RNF38: variants seen among roughly 807,000 people sequenced by gnomAD.
RNF38 encodes E3 ubiquitin-protein ligase RNF38.
Under a neutral mutation model 67.2 loss-of-function variants are expected in RNF38, and 15 were observed. The observed-to-expected ratio is 0.22, with a 90% CI of 0.15 to 0.34. RNF38 has a LOEUF of 0.34. Ranked by LOEUF, RNF38 falls within the 10% of genes least tolerant of loss-of-function variation. RNF38 has a pLI of 1.00. For synonymous variants in RNF38, 220 were observed against 218.8 expected (o/e 1.01, Z -0.05); for missense variants, 524 against 639.9 (o/e 0.82, Z 1.95).
chr9:36,465,938 G>C (rs1339774623), intron 1 of RNF38, among the ~76,000 whole-genome samples: 1 of 152,126 alleles, frequency 6.6e-6, no homozygotes, highest in Non-Finnish European at 1.5e-5. Flanking sequence ...TGTAGTCCCA[G>C]CTACTCAGGA....
chr9:36,349,168 A>G (rs897954546), intron 9 of RNF38, among the ~76,000 whole-genome samples: 6 of 152,232 alleles, frequency 3.9e-5, no homozygotes, highest in African/African-American at 1.2e-4. Context: ...CTTTCAAAAT[A>G]TTACTGCTCA....
chr9:36,353,328 G>A lies in RNF38; in HGVS notation c.913C>T (p.Leu305=), dbSNP rs760369725. The change falls in exon 7 of 12, where the codon CTG becomes TTG. Residue 305 remains leucine (L), a synonymous_variant. Transcript: ENST00000259605. ...TCCACTTCATTTTCTATCCTTTGCA[G>A]AGGCTGAGGAGGGGGAAAAAAAAAC... ...PFQTQQSRSP[L]QRIENEVELL... 9 of 1,584,158 alleles carry A rather than the reference G, an allele frequency of 5.7e-6. No homozygotes were observed. The South Asian group carries it at 1.0e-4, about 18-fold the overall frequency.
At chr9:36,427,632 G>C (rs1357413480) in intron 1 of RNF38, among the ~76,000 whole-genome samples, 2 of 151,894 alleles carry the variant, frequency 1.3e-5, no homozygotes, top group Admixed American at 6.6e-5. Flanking sequence ...ATGAATCTGG[G>C]TTCCTTGATC....
At chr9:36,375,650 G>A (rs117810343) in intron 3 of RNF38, among the ~76,000 whole-genome samples, 2,147 of 152,250 alleles carry the variant, frequency 0.014, 21 homozygotes, top group Non-Finnish European at 0.02. Flanking sequence ...AGTCAAGATC[G>A]CAGGCTAGTC....
intron 2 of RNF38, among the ~76,000 whole-genome samples, 194 bp downstream of exon 2, chr9:36,390,273 A>G (rs990313217): frequency 6.6e-6 from 1 of 152,264 alleles, no homozygotes; most frequent in African/African-American, 2.4e-5. Context: ...ACAGTAGCTG[A>G]GTAGCTCAAG....
intron 4 of RNF38, among the ~76,000 whole-genome samples, chr9:36,359,636 T>TA (rs1834373651): frequency 6.6e-6 from 1 of 152,218 alleles, no homozygotes; most frequent in African/African-American, 2.4e-5. Flanking sequence ...GTCACACAGT[T>TA]ATTCTTACGT....
intron 3 of RNF38, chr9:36,372,639 T>A: frequency 3.2e-6 from 2 of 624,864 alleles, no homozygotes. Flanking sequence ...TAAGACACAC[T>A]GCTGAAAAAA....
At chr9:36,417,328 C>T (rs1419816972) in intron 2 of RNF38, among the ~76,000 whole-genome samples, 2 of 152,162 alleles carry the variant, frequency 1.3e-5, no homozygotes, top group South Asian at 2.1e-4. Context: ...CAAAAGTTCA[C>T]GATGTGAGTC....
intron 1 of RNF38, among the ~76,000 whole-genome samples, chr9:36,426,172 G>C (rs1838766418): frequency 6.6e-6 from 1 of 151,808 alleles, no homozygotes; most frequent in Non-Finnish European, 1.5e-5. Flanking sequence ...GTTTTGTCTT[G>C]TTTTAAACAA....
chr9:36,403,533 A>T (rs1838110330), upstream of RNF38, among the ~76,000 whole-genome samples: 1 of 152,250 alleles, frequency 6.6e-6, no homozygotes. Context: ...TCCCTTTAAA[A>T]AACTGGTTTT....
chr9:36,384,186 A>G (rs899039324), intron 2 of RNF38, among the ~76,000 whole-genome samples: 127 of 152,340 alleles, frequency 8.3e-4, no homozygotes, highest in African/African-American at 3.0e-3. Context: ...ATCTGTAACT[A>G]TAATAATTTT....
intron 1 of RNF38, among the ~76,000 whole-genome samples, chr9:36,483,278 C>A (rs1028363822): frequency 3.3e-5 from 5 of 151,882 alleles, no homozygotes; most frequent in African/African-American, 1.2e-4. Context: ...CCCAGCTACT[C>A]GAGAGGCTGA....
intron 1 of RNF38, among the ~76,000 whole-genome samples, chr9:36,399,193 G>A (rs1046971275): frequency 2.0e-5 from 3 of 152,132 alleles, no homozygotes; most frequent in Non-Finnish European, 4.4e-5. Flanking sequence ...AAAACAAGAT[G>A]GGCATATAAA....
intron 1 of RNF38, among the ~76,000 whole-genome samples, chr9:36,464,879 G>A (rs1839823782): frequency 6.6e-6 from 1 of 152,026 alleles, no homozygotes; most frequent in Non-Finnish European, 1.5e-5. Context: ...AGTAAAGAAA[G>A]CAAATGTACT....
intron 1 of RNF38, among the ~76,000 whole-genome samples, chr9:36,398,318 T>C (rs1189030461): frequency 2.6e-5 from 4 of 152,114 alleles, no homozygotes; most frequent in Non-Finnish European, 4.4e-5. Flanking sequence ...CCTGTAGTCC[T>C]AGTTACTCAG....
intron 11 of RNF38, among the ~76,000 whole-genome samples, chr9:36,341,662 A>G (rs1182506331): frequency 1.3e-5 from 2 of 151,862 alleles, no homozygotes; most frequent in African/African-American, 2.4e-5. Flanking sequence ...GCTTGGGCCC[A>G]AGAGTTCCAG....
intron 2 of RNF38, among the ~76,000 whole-genome samples, chr9:36,412,111 C>T (rs1333054792): frequency 6.6e-6 from 1 of 152,124 alleles, no homozygotes; most frequent in Non-Finnish European, 1.5e-5. Flanking sequence ...AATGGCTTCT[C>T]GAAAAAGCAG....
At chr9:36,435,820 A>G (rs1442429913) in intron 1 of RNF38, among the ~76,000 whole-genome samples, 1 of 151,980 alleles carries the variant, frequency 6.6e-6, no homozygotes, top group Non-Finnish European at 1.5e-5. Flanking sequence ...TCATAGAGAC[A>G]GGGTTTCACG....
chr9:36,401,037 G>A (rs999725021), upstream of RNF38: 12 of 984,590 alleles, frequency 1.2e-5, no homozygotes, highest in South Asian at 4.7e-5. Context: ...CGACACGCGC[G>A]GTCCTCCCAC....
Sources: gnomAD v4.1 joint callset for allele counts (sites outside exome capture counted in the v4.1 genomes callset) on GRCh38, gnomAD v4.1.1 for gene constraint, MANE v1.5 for transcripts, NCBI Gene and HGNC (gene_info 2026-07-23, HGNC 2026-07-21) for gene names.